Variants in APTX observed in about 807,000 individuals in gnomAD.
APTX encodes aprataxin.
In APTX, 33 loss-of-function variants were observed where a neutral mutation model predicts 42.3. The observed-to-expected ratio is 0.78, with a 90% CI of 0.59 to 1.04. The LOEUF is 1.04. APTX is among the 50% of genes least tolerant of loss of function. APTX has a pLI of 0.00. For synonymous variants in APTX, 130 were observed against 146.7 expected (o/e 0.89, Z 0.82); for missense variants, 421 against 415.1 (o/e 1.01, Z -0.12).
chr9:32,987,672 C>T lies in APTX; in HGVS notation c.355G>A (p.Gly119Ser). ...TCCCTTTCTATAGAATCACTGTTGC[C>T]TGATCTCTTTCTCTTCCTGTGTGTT... ...LETHRKRKRS[G>S]NSDSIERDAA... Residue 119 changes from glycine to serine, a missense_variant, in exon 4 of 8, where the codon GGC becomes AGC. Transcript: ENST00000379817. 5.6e-6 allele frequency: 9 copies of T among 1,614,192 alleles called. No individual in the cohort carries two copies. Among genetic ancestry groups the T allele is most frequent in the Non-Finnish European group, 7.6e-6 (9 of 1,180,030 alleles).
intron 1 of APTX, among the ~76,000 whole-genome samples, chr9:33,018,627 C>T (rs1838104521): frequency 2.0e-5 from 3 of 149,728 alleles, no homozygotes; most frequent in East Asian, 2.0e-4. Flanking sequence ...ATGCAGTAAT[C>T]CCAGCACTTT....
At chr9:33,001,376 A>C (rs1019943994) in intron 1 of APTX, 191 bp downstream of exon 1, 1 of 1,531,478 alleles carries the variant, frequency 6.5e-7, no homozygotes, top group Non-Finnish European at 8.7e-7. Flanking sequence ...TGGGTCGAAG[A>C]CCAACGCGAG....
At chr9:33,002,251 T>G (rs564017982), upstream of APTX, among the ~76,000 whole-genome samples, 9 of 152,296 alleles carry the variant, frequency 5.9e-5, no homozygotes, top group African/African-American at 2.2e-4. Flanking sequence ...AATCCCTATC[T>G]CGGAGGTAAA....
intron 1 of APTX, 54 bp from the exon 2 acceptor site, chr9:32,989,949 C>T: frequency 1.3e-6 from 2 of 1,578,096 alleles, no homozygotes; most frequent in South Asian, 2.3e-5. Flanking sequence ...AGCACGAGTC[C>T]TCCAGGGCCA....
rs1221959445 is a variant in APTX at position 33,018,754 on chromosome 9, C to T, written c.-5+6269G>A. On this transcript the variant is annotated intron_variant, in intron 1 of 6. Coordinates refer to the APTX transcript ENST00000436040. ...ATTAGCCAGGCGTGGTGGCAGGCAC[C>T]TGTAATCCCAGCTACTGGGGAGGCT... 2.6e-5 allele frequency among the ~76,000 whole-genome samples: 4 copies of T among 152,088 alleles called. No individual in the cohort carries two copies. In the East Asian group the frequency reaches 7.8e-4, roughly 29 times the overall value.
intron 1 of APTX, among the ~76,000 whole-genome samples, chr9:32,998,378 G>C (rs1461316206): frequency 1.3e-5 from 2 of 152,066 alleles, no homozygotes; most frequent in Non-Finnish European, 2.9e-5. Context: ...GGTCACATAG[G>C]TATAATCATT....
At chr9:33,009,589 G>A (rs552585151) in intron 1 of APTX, among the ~76,000 whole-genome samples, 11 of 151,972 alleles carry the variant, frequency 7.2e-5, no homozygotes, top group Admixed American at 6.6e-4. Context: ...GACCAGGCTG[G>A]GCAACAAAGT....
chr9:33,015,550 G>C (rs990839709), intron 1 of APTX, among the ~76,000 whole-genome samples: 19 of 151,956 alleles, frequency 1.3e-4, no homozygotes, highest in Admixed American at 1.1e-3. Flanking sequence ...GTAGAGACAG[G>C]GTTTCACCAT....
intron 1 of APTX, among the ~76,000 whole-genome samples, chr9:33,008,543 T>C (rs1184462793): frequency 6.7e-6 from 1 of 149,414 alleles, no homozygotes; most frequent in African/African-American, 2.5e-5. Flanking sequence ...ACACAGCTTC[T>C]GATTAAGATT....
upstream of APTX, among the ~76,000 whole-genome samples, chr9:33,002,110 C>A (rs1026942916): frequency 1.3e-5 from 2 of 152,094 alleles, no homozygotes; most frequent in African/African-American, 4.8e-5. Context: ...ACTAAATGAA[C>A]TGAGGGGCAA....
chr9:33,012,129 A>G (rs1837583051), intron 1 of APTX, among the ~76,000 whole-genome samples: 1 of 152,200 alleles, frequency 6.6e-6, no homozygotes. Flanking sequence ...TAACCACAGT[A>G]AAACTTCTGC....
chr9:33,001,612 T>G lies in APTX; in HGVS notation c.-50A>C. Reference sequence around the variant, plus strand: ...CAAATTCACGTTACTCATCTGTGCCTCACCGCTTCCGGCGCTGCGGGATGA... The same window carrying G: ...CAAATTCACGTTACTCATCTGTGCCGCACCGCTTCCGGCGCTGCGGGATGA... On this transcript the variant is annotated 5_prime_UTR_variant, in exon 1 of 8. Transcript: ENST00000379817. 1.2e-6 allele frequency: 2 copies of G among 1,613,894 alleles called. No homozygotes were observed. Among genetic ancestry groups the G allele is most frequent in the Non-Finnish European group, 1.7e-6 (2 of 1,179,992 alleles).
intron 1 of APTX, chr9:33,015,868 C>G (rs567349054): frequency 9.2e-5 from 14 of 152,172 alleles, no homozygotes; most frequent in African/African-American, 3.4e-4. Context: ...TTTTTTCTGA[C>G]AACAAGATTA....
At chr9:32,985,104 C>G (rs2118697652) in intron 5 of APTX, among the ~76,000 whole-genome samples, 1 of 152,246 alleles carries the variant, frequency 6.6e-6, no homozygotes, top group East Asian at 1.9e-4. Context: ...TTTCAACCAC[C>G]ACACTACACA....
chr9:32,978,786 A>G (rs1830040844), intron 6 of APTX, among the ~76,000 whole-genome samples: 1 of 152,184 alleles, frequency 6.6e-6, no homozygotes, highest in Non-Finnish European at 1.5e-5. Context: ...GGAAAAGGCT[A>G]CAATTCTCCC....
intron 1 of APTX, among the ~76,000 whole-genome samples, chr9:32,991,796 G>A (rs560481670): frequency 6.8e-6 from 1 of 147,766 alleles, no homozygotes. Flanking sequence ...AAAAAAAGGC[G>A]AGACACTCAC....
At chr9:32,975,959 T>C (rs765751346) in intron 6 of APTX, among the ~76,000 whole-genome samples, 3 of 152,210 alleles carry the variant, frequency 2.0e-5, no homozygotes, top group Non-Finnish European at 4.4e-5. Context: ...CAATAAAATG[T>C]AGACTGCAGC....
upstream of APTX, chr9:33,001,725 C>T (rs2119154705): frequency 7.4e-7 from 1 of 1,343,546 alleles, no homozygotes; most frequent in Non-Finnish European, 1.0e-6. Flanking sequence ...CTTCCCAGAT[C>T]AAAAAGCGTC....
rs1210278557 is a variant in APTX at position 32,989,852 on chromosome 9, G to A, written c.40C>T (p.His14Tyr). 1 of 1,614,208 alleles carries A rather than the reference G, an allele frequency of 6.2e-7. No individual in the cohort carries two copies. Among genetic ancestry groups the A allele is most frequent in the East Asian group, 2.2e-5 (1 of 44,886 alleles). ...AAATGTGGAAGTCTGATTCGCTGGT[G>A]CCGGCTGTCCTGTCTCACCAACCAG... ...VCWLVRQDSR[H>Y]QRIRLPHLEA... Residue 14 changes from histidine to tyrosine, a missense_variant, in exon 2 of 8, where the codon CAC (histidine) becomes TAC (tyrosine). Coordinates refer to ENST00000379817, the MANE Select transcript of APTX (RefSeq NM_001195248.2).
Sources: allele counts gnomAD v4.1 joint callset (sites outside exome capture counted in the v4.1 genomes callset), GRCh38; gene constraint gnomAD v4.1.1; transcripts MANE v1.5; gene names NCBI Gene and HGNC (gene_info 2026-07-23, HGNC 2026-07-21).